CAPN2: variants seen among roughly 807,000 people sequenced by gnomAD.
CAPN2 encodes calpain-2 catalytic subunit.
In CAPN2, 92 loss-of-function variants were observed where a neutral mutation model predicts 102.3. That is an observed-to-expected ratio of 0.90 (90% CI 0.76 to 1.07). CAPN2 has a LOEUF of 1.07. CAPN2 is among the 50% of genes least tolerant of loss of function. The pLI, the probability that CAPN2 is intolerant of heterozygous loss-of-function variation, is 0.00. For synonymous variants in CAPN2, 340 were observed against 355.4 expected, an observed-to-expected ratio of 0.96 and a Z score of 0.49; for missense variants, 800 against 909.4, an observed-to-expected ratio of 0.88 and a Z score of 1.55.
At position 223,755,591 on chromosome 1, in the gene CAPN2, G is replaced by T. The variant is rs746607443; in HGVS notation, c.1247G>T (p.Arg416Leu). The part of the protein sequence containing the change: ...TFLVGLIQKH[R>L]RRQRKMGEDM... Reference sequence around the variant, plus strand: ...CTGGTGGGGCTCATTCAGAAGCACCGACGGCGGCAGAGGAAGATGGGCGAG... The same window carrying T: ...CTGGTGGGGCTCATTCAGAAGCACCTACGGCGGCAGAGGAAGATGGGCGAG... Residue 416 changes from arginine to leucine, a missense_variant, in exon 10 of 21, where the codon CGA becomes CTA. Transcript: ENST00000295006. This position sits in a 1 kb window ranked among gnomAD's most constrained non-coding sequence, Gnocchi z 4.1. 3.7e-6 allele frequency: 6 copies of T among 1,613,216 alleles called. No individual in the cohort carries two copies. The highest frequency in any genetic ancestry group is 1.3e-5 in the African/African-American group (1 of 75,040).
chr1:223,728,517 G>A (rs1277994601), intron 2 of CAPN2, among the ~76,000 whole-genome samples: 1 of 152,156 alleles, frequency 6.6e-6, no homozygotes, highest in Non-Finnish European at 1.5e-5. Context: ...ATCAATGAAG[G>A]CTCACCCAGG....
chr1:223,739,744 T>C (rs1357831393), intron 2 of CAPN2, among the ~76,000 whole-genome samples: 4 of 152,026 alleles, frequency 2.6e-5, no homozygotes, highest in Non-Finnish European at 5.9e-5. Flanking sequence ...AAACCATAGG[T>C]CTTTCTTTTT....
chr1:223,716,992 C>T (rs563227374), intron 1 of CAPN2, among the ~76,000 whole-genome samples: 9 of 152,146 alleles, frequency 5.9e-5, no homozygotes, highest in Non-Finnish European at 1.0e-4. Flanking sequence ...ACTTTGGACA[C>T]GTCACTTCAC....
At chr1:223,741,461 TATATATA>T (rs1558068043) in intron 2 of CAPN2, among the ~76,000 whole-genome samples, 4 of 146,452 alleles carry the variant, frequency 2.7e-5, no homozygotes, top group South Asian at 2.1e-4. Flanking sequence ...TATATATATA[TATATATA>T]TTTGAGAGGG....
intron 2 of CAPN2, among the ~76,000 whole-genome samples, chr1:223,740,841 C>T (rs1187895196): frequency 6.6e-6 from 1 of 152,114 alleles, no homozygotes; most frequent in East Asian, 1.9e-4. Flanking sequence ...CAAAAGTCCC[C>T]AAGACCTGTC....
chr1:223,745,261 T>C lies in CAPN2; in HGVS notation c.427-45T>C, dbSNP rs746600121. 10 of 1,612,594 alleles carry C rather than the reference T, an allele frequency of 6.2e-6. No homozygotes were observed. In the Admixed American group the frequency reaches 1.7e-4, roughly 27 times the overall value. On this transcript the variant is annotated intron_variant, in intron 3 of 20. Transcript: ENST00000295006. ...AGGCAGCTGAGGCTCAGAGTCCCAG[T>C]GCTGCCACCAGCTCCTCCTGCAGCC...
At chr1:223,737,718 G>T (rs376602231) in intron 2 of CAPN2, among the ~76,000 whole-genome samples, 1,048 of 77,418 alleles carry the variant, frequency 0.014, 118 homozygotes, top group African/African-American at 0.044. Flanking sequence ...GGGGGGTGGG[G>T]GGGAGAGAAT....
intron 15 of CAPN2, among the ~76,000 whole-genome samples, chr1:223,764,976 C>T (rs1160827002): frequency 2.0e-5 from 3 of 152,176 alleles, no homozygotes; most frequent in East Asian, 1.9e-4. Flanking sequence ...CAGGGAGGAG[C>T]GGGAAACACA....
At chr1:223,724,304 G>T (rs1217330618) in intron 2 of CAPN2, among the ~76,000 whole-genome samples, 1 of 152,152 alleles carries the variant, frequency 6.6e-6, no homozygotes, top group Non-Finnish European at 1.5e-5. Flanking sequence ...GAGGTCTGTT[G>T]GGGTCCTGGC....
In CAPN2 at chr1:223,752,937, AGGTTGCAGGAACTACCC is replaced by A. The variant is rs1660940802; in HGVS notation, c.1118_1134del (p.Gly373GlufsTer18). On this transcript the variant is annotated frameshift_variant and splice_region_variant, in exon 9 of 21. Transcript: ENST00000295006. LOFTEE classifies it high-confidence loss of function. Reference sequence around the variant, plus strand: ...ACTGGAGGCGGGGCTCCACCGCGGGAGGTTGCAGGAACTACCCGAGTAAGGGCTGTTGCATATAAGGG... The same window carrying A: ...ACTGGAGGCGGGGCTCCACCGCGGGAGAGTAAGGGCTGTTGCATATAAGGG... 2 of 1,614,050 alleles carry A rather than the reference AGGTTGCAGGAACTACCC, an allele frequency of 1.2e-6. No homozygotes were observed.
intron 2 of CAPN2, among the ~76,000 whole-genome samples, chr1:223,730,465 T>C (rs1395554776): frequency 1.3e-5 from 2 of 152,136 alleles, no homozygotes. Context: ...TGCTATAGAA[T>C]GTAGATTTTC....
chr1:223,746,002 T>C (rs1180321125), intron 4 of CAPN2, among the ~76,000 whole-genome samples: 8 of 152,234 alleles, frequency 5.3e-5, no homozygotes, highest in East Asian at 1.9e-4. Context: ...TTGCCCACAG[T>C]TGAGTTTGTC....
intron 1 of CAPN2, among the ~76,000 whole-genome samples, chr1:223,715,410 A>C (rs1659851727): frequency 6.6e-6 from 1 of 152,052 alleles, no homozygotes; most frequent in Non-Finnish European, 1.5e-5. Context: ...TCATATGTTG[A>C]ATCACCAGGA....
intron 6 of CAPN2, 50 bp downstream of exon 6, chr1:223,749,172 C>A: frequency 6.6e-7 from 1 of 1,507,106 alleles, no homozygotes; most frequent in Admixed American, 1.7e-5. Flanking sequence ...GACACGATGG[C>A]CACAGGCACA....
upstream of CAPN2, chr1:223,712,449 A>G (rs1278197172): frequency 6.6e-5 from 74 of 1,123,712 alleles, no homozygotes; most frequent in South Asian, 2.1e-3. Context: ...CCGGGCCGGG[A>G]GCCCAGCAGG....
intron 4 of CAPN2, among the ~76,000 whole-genome samples, chr1:223,746,475 C>CTTTT (rs60366533): frequency 2.8e-5 from 3 of 108,494 alleles, no homozygotes; most frequent in African/African-American, 8.9e-5. Context: ...CTACGAGAAT[C>CTTTT]TTTTTTTTTT....
Position 223,759,363 on chromosome 1 carries a change from G to T in CAPN2, c.1411G>T (p.Val471Leu). Residue 471 changes from valine to leucine, a missense_variant, in exon 12 of 21, where the codon GTG (valine) becomes TTG (leucine). Coordinates refer to ENST00000295006, the MANE Select transcript of CAPN2 (RefSeq NM_001748.5). The surrounding 1 kb of genome is among the most constrained non-coding windows in gnomAD (Gnocchi z 4.6). ...RSDTFINLRE[V>L]LNRFKLPPGE... Reference sequence around the variant, plus strand: ...AGACACCTTCATCAACCTCCGGGAGGTGCTCAACCGCTTCAAGCTGCCGCC... The same window carrying T: ...AGACACCTTCATCAACCTCCGGGAGTTGCTCAACCGCTTCAAGCTGCCGCC... The T allele has an allele frequency of 6.2e-7, 1 of 1,614,188 alleles. No homozygotes were observed. The highest frequency in any genetic ancestry group is 2.2e-5 in the East Asian group (1 of 44,880).
At position 223,724,142 on chromosome 1, in the gene CAPN2, C is replaced by T. The variant is rs138426683; in HGVS notation, c.307+6311C>T. On this transcript the variant is annotated intron_variant, in intron 2 of 20. Coordinates refer to ENST00000295006, the MANE Select transcript of CAPN2 (RefSeq NM_001748.5). Reference sequence around the variant, plus strand: ...TGTGACTTTAGAATGTTACCTTCCTCGACAGCCCCCTGCACCCTCACACAT... The same window carrying T: ...TGTGACTTTAGAATGTTACCTTCCTTGACAGCCCCCTGCACCCTCACACAT... Among the ~76,000 whole-genome samples the T allele has an allele frequency of 1.9e-3, 294 of 152,326 alleles. 1 individual carries two copies. The highest frequency in any genetic ancestry group is 0.01 in the Middle Eastern group (3 of 294).
intron 2 of CAPN2, among the ~76,000 whole-genome samples, chr1:223,741,421 GTATATATATATATAATGTGTATATA>G (rs1466247864): frequency 0.19 from 24,967 of 128,366 alleles, 3,433 homozygotes; most frequent in African/African-American, 0.41. Flanking sequence ...GCTGTAAAAT[GTATATATATATATAATGTGTATATA>G]TATATATATA....
Sources: allele counts gnomAD v4.1 joint callset (sites outside exome capture counted in the v4.1 genomes callset), GRCh38; gene constraint gnomAD v4.1.1; non-coding constraint Gnocchi (gnomAD v3.1); transcripts MANE v1.5; gene names NCBI Gene and HGNC (gene_info 2026-07-23, HGNC 2026-07-21).